The following AHNAK2 variants were observed in gnomAD, a reference collection of about 807,000 sequenced individuals.
The protein encoded by AHNAK2 is protein AHNAK2.
A neutral mutation model predicts 30.7 loss-of-function variants in AHNAK2; 18 were observed. The observed-to-expected ratio is 0.59, with a 90% CI of 0.41 to 0.87. The LOEUF (loss-of-function observed/expected upper bound fraction) is 0.87, where lower values mean the gene tolerates loss of function less well. Ranked by LOEUF, AHNAK2 falls within the 40% of genes least tolerant of loss-of-function variation. AHNAK2 has a pLI of 0.00. For synonymous variants in AHNAK2, 3,590 were observed against 3,073.8 expected, an observed-to-expected ratio of 1.17 and a Z score of -5.56; for missense variants, 8,604 against 7,373.0, an observed-to-expected ratio of 1.17 and a Z score of -6.11.
At chr14:104,975,214 C>T (rs1899564193) in intron 1 of AHNAK2, among the ~76,000 whole-genome samples, 1 of 152,220 alleles carries the variant, frequency 6.6e-6, no homozygotes, top group Admixed American at 6.5e-5. Context: ...GGAGCGGGCT[C>T]CTGGGGCATT....
At position 104,947,631 on chromosome 14, in the gene AHNAK2, A is replaced by C. The variant is rs773034150; in HGVS notation, c.7820T>G (p.Val2607Gly). 9 of 1,612,540 alleles carry C rather than the reference A, an allele frequency of 5.6e-6. No homozygotes were observed. The African/African-American group carries it at 6.7e-5, about 12-fold the overall frequency. Reference sequence around the variant, plus strand: ...CTCCATGCTGGACAGAGACATCTCCACATCGGGGGCTGTCACTTCCGCCTT... The same window carrying C: ...CTCCATGCTGGACAGAGACATCTCCCCATCGGGGGCTGTCACTTCCGCCTT... Reference protein sequence around the residue: ...GPKAEVTAPDVEMSLSSMEVD... With the variant: ...GPKAEVTAPDGEMSLSSMEVD... Residue 2607 changes from valine to glycine, a missense_variant, in exon 7 of 7, where the codon GTG becomes GGG. Val to Gly is a moderately radical substitution (Grantham distance 109, BLOSUM62 -3). Transcript: ENST00000333244.
At position 104,949,750 on chromosome 14, in the gene AHNAK2, C is replaced by T. The variant is rs59117977; in HGVS notation, c.5701G>A (p.Gly1901Ser). The change falls in exon 7 of 7, where the codon GGC becomes AGC. Residue 1901 changes from glycine (G) to serine (S), a missense_variant. By Grantham distance (56) the Gly-to-Ser change is moderately conservative (BLOSUM62 0). Coordinates refer to ENST00000333244, the MANE Select transcript of AHNAK2 (RefSeq NM_138420.4). ...LPEGQVPEGAGLKGHLPKVDM... is the reference protein window; with the variant it reads ...LPEGQVPEGASLKGHLPKVDM... Reference sequence around the variant, plus strand: ...ACCTTGGGCAAGTGCCCTTTGAGGCCGGCTCCCTCGGGCACCTGGCCCTCC... The same window carrying T: ...ACCTTGGGCAAGTGCCCTTTGAGGCTGGCTCCCTCGGGCACCTGGCCCTCC... 0.034 allele frequency: 53,757 copies of T among 1,587,364 alleles called. 7,180 individuals are homozygous for T. Among genetic ancestry groups the T allele is most frequent in the East Asian group, 0.3 (13,202 of 44,640 alleles).
At chr14:104,968,557 G>C (rs917738655) in intron 1 of AHNAK2, among the ~76,000 whole-genome samples, 1 of 151,886 alleles carries the variant, frequency 6.6e-6, no homozygotes, top group African/African-American at 2.4e-5. Flanking sequence ...ACAGGTCCGT[G>C]GGGGGAGGAG....
rs151173659 is a variant in AHNAK2 at position 104,946,883 on chromosome 14, A to G, written c.8568T>C (p.Leu2856=). 3.0e-4 allele frequency: 487 copies of G among 1,610,014 alleles called. 22 individuals are homozygous for G. In the East Asian group the frequency reaches 3.9e-3, roughly 13 times the overall value. The change falls in exon 7 of 7, where the codon CTT becomes CTC. Residue 2856 remains leucine (L), a synonymous_variant. Transcript: ENST00000333244. ...GCTGAATGCGGATGTCAGTGGTCTT[A>G]AGATCCCCTTGCATGGAGGGGAAGC... is the stretch of plus-strand genomic sequence containing the variant. The part of the protein sequence containing the change: ...DGSFPSMQGD[L]KTTDIRIQPP...
At position 104,946,135 on chromosome 14, in the gene AHNAK2, G is replaced by A. The variant is rs766311534; in HGVS notation, c.9316C>T (p.Gln3106Ter). 9.3e-6 allele frequency: 15 copies of A among 1,612,234 alleles called. No homozygotes were observed. Among genetic ancestry groups the A allele is most frequent in the Non-Finnish European group, 1.3e-5 (15 of 1,179,438 alleles). ...DVTAPDVEVS[Q>*]PGMEVDVEAP... is the part of the protein sequence containing the mutation. ...TCGACATCCACCTCCATGCCGGGCTGAGACACCTCCACGTCGGGGGCCGTC... is the reference window on the plus strand; with the variant it reads ...TCGACATCCACCTCCATGCCGGGCTAAGACACCTCCACGTCGGGGGCCGTC... The change falls in exon 7 of 7, where the codon CAG becomes TAG. Residue 3106 changes from glutamine to a stop codon, truncating the protein, a stop_gained. Transcript: ENST00000333244. LOFTEE classifies it low-confidence loss of function (END_TRUNC).
Position 104,947,389 on chromosome 14 carries a change from G to T in AHNAK2, c.8062C>A (p.Gln2688Lys). Reference sequence around the variant, plus strand: ...ATGTCAGTGGTCTTAAGGTCCCCTTGCATGGAGGGGAGGCTCATGTCGGCT... The same window carrying T: ...ATGTCAGTGGTCTTAAGGTCCCCTTTCATGGAGGGGAGGCTCATGTCGGCT... ...VEADMSLPSM[Q>K]GDLKTTDISI... Residue 2688 changes from glutamine to lysine, a missense_variant, in exon 7 of 7, where the codon CAA (glutamine) becomes AAA (lysine). Gln to Lys is a moderately conservative substitution (Grantham distance 53). Transcript: ENST00000333244. The T allele has an allele frequency of 1.2e-6, 2 of 1,612,776 alleles. No individual in the cohort carries two copies. The highest frequency in any genetic ancestry group is 1.7e-6 in the Non-Finnish European group (2 of 1,179,630).
At chr14:104,957,354 C>T (rs966978999) in intron 3 of AHNAK2, 56 bp downstream of exon 3, 2 of 1,483,390 alleles carry the variant, frequency 1.3e-6, no homozygotes, top group Admixed American at 2.2e-5. Flanking sequence ...GTTGCCCACA[C>T]AGGGCGATGC....
In AHNAK2 at chr14:104,942,400, G is replaced by A. The variant is rs770800077; in HGVS notation, c.13051C>T (p.Pro4351Ser). ...GCCTGGACCTCCAGATCAGCGGAAGGGGGCTGAATGCTGAGGTGAGTGGTC... is the reference window on the plus strand; with the variant it reads ...GCCTGGACCTCCAGATCAGCGGAAGAGGGCTGAATGCTGAGGTGAGTGGTC... ...LKTTHLSIQPPSADLEVQAGQ... is the reference protein window; with the variant it reads ...LKTTHLSIQPSSADLEVQAGQ... The change falls in exon 7 of 7, where the codon CCT becomes TCT. Residue 4351 changes from proline to serine, a missense_variant. By Grantham distance (74) the Pro-to-Ser change is moderately conservative (BLOSUM62 -1). Coordinates refer to ENST00000333244, the MANE Select transcript of AHNAK2 (RefSeq NM_138420.4). 3.1e-6 allele frequency: 5 copies of A among 1,613,078 alleles called. No homozygotes were observed. Among genetic ancestry groups the A allele is most frequent in the Non-Finnish European group, 4.2e-6 (5 of 1,179,616 alleles).
In AHNAK2 at chr14:104,942,160, C is replaced by T; in HGVS notation, c.13291G>A (p.Val4431Met). The change falls in exon 7 of 7, where the codon GTG becomes ATG. Residue 4431 changes from valine to methionine, a missense_variant. Physicochemically the swap from Val to Met is conservative, Grantham distance 21 (BLOSUM62 1). Coordinates refer to ENST00000333244, the MANE Select transcript of AHNAK2 (RefSeq NM_138420.4). Reference protein sequence around the residue: ...NLDVSLPSMEVDIQAPGAKLD... With the variant: ...NLDVSLPSMEMDIQAPGAKLD... ...TTGGCTCCTGGGGCTTGGATGTCCA[C>T]CTCCATGCTGGGCAGAGACACGTCC... 1 of 1,612,868 alleles carries T rather than the reference C, an allele frequency of 6.2e-7. No homozygotes were observed. The highest frequency in any genetic ancestry group is 1.1e-5 in the South Asian group (1 of 91,018).
At position 104,942,987 on chromosome 14, in the gene AHNAK2, G is replaced by T; in HGVS notation, c.12464C>A (p.Ser4155Tyr). Residue 4155 changes from serine (S) to tyrosine (Y), a missense_variant, in exon 7 of 7, where the codon TCC becomes TAC. By Grantham distance (144) the Ser-to-Tyr change is moderately radical (BLOSUM62 -2). Coordinates refer to ENST00000333244, the MANE Select transcript of AHNAK2 (RefSeq NM_138420.4). ...CGCCTTCAGCTCAGACACATCCACGGACGCCTCCATGGACTTGCCTGGGGC... is the reference window on the plus strand; with the variant it reads ...CGCCTTCAGCTCAGACACATCCACGTACGCCTCCATGGACTTGCCTGGGGC... Reference protein sequence around the residue: ...VSAPGKSMEASVDVSELKAKA... With the variant: ...VSAPGKSMEAYVDVSELKAKA... 1.2e-6 allele frequency: 2 copies of T among 1,613,232 alleles called. No homozygotes were observed. The highest frequency in any genetic ancestry group is 1.7e-6 in the Non-Finnish European group (2 of 1,179,592).
In AHNAK2 at chr14:104,953,413, A is replaced by T. The variant is rs1215611547; in HGVS notation, c.2038T>A (p.Phe680Ile). The T allele has an allele frequency of 4.3e-6, 7 of 1,613,754 alleles. No individual in the cohort carries two copies. The highest frequency in any genetic ancestry group is 5.9e-6 in the Non-Finnish European group (7 of 1,179,870). ...GACGCCCCGAACAATGGCATCTTGA[A>T]CTTGGGCATTTTGAACTTGCTGTCT... The part of the protein sequence containing the change: ...TKDSKFKMPK[F>I]KMPLFGASAP... Residue 680 changes from phenylalanine (F) to isoleucine (I), a missense_variant, in exon 7 of 7, where the codon TTC becomes ATC. Physicochemically the swap from Phe to Ile is conservative, Grantham distance 21. Coordinates refer to ENST00000333244, the MANE Select transcript of AHNAK2 (RefSeq NM_138420.4).
intron 5 of AHNAK2, 58 bp downstream of exon 5, chr14:104,955,425 G>C: frequency 1.3e-6 from 2 of 1,556,672 alleles, no homozygotes; most frequent in Non-Finnish European, 1.7e-6. Flanking sequence ...CCCCCCTCCA[G>C]GTCCCTCCCA....
Position 104,953,470 on chromosome 14 carries a change from G to A in AHNAK2, c.1981C>T (p.Gln661Ter). The A allele has an allele frequency of 1.2e-6, 2 of 1,613,962 alleles. No homozygotes were observed. Among genetic ancestry groups the A allele is most frequent in the East Asian group, 4.5e-5 (2 of 44,888 alleles). Residue 661 changes from glutamine to a stop codon, truncating the protein, a stop_gained, in exon 7 of 7, where the codon CAA (glutamine) becomes TAA (stop). Transcript: ENST00000333244. LOFTEE classifies it low-confidence loss of function (END_TRUNC). ...GCCACTTCCTTTTCTGTCAGAATTT[G>A]TTCCTTTTTTAAGCGTTTTTCATCG... Reference protein sequence around the residue: ...IHDEKRLKKEQILTEKEVATK... With the variant: ...IHDEKRLKKE
chr14:104,969,191 T>C (rs1648946925), intron 1 of AHNAK2, among the ~76,000 whole-genome samples: 1 of 152,208 alleles, frequency 6.6e-6, no homozygotes, highest in African/African-American at 2.4e-5. Context: ...CTCAGTCCCC[T>C]AGACCTGGGA....
rs543055033 is a variant in AHNAK2 at position 104,949,696 on chromosome 14, C to G, written c.5755G>C (p.Val1919Leu). The change falls in exon 7 of 7, where the codon GTG becomes CTG. Residue 1919 changes from valine to leucine, a missense_variant. Physicochemically the swap from Val to Leu is conservative, Grantham distance 32 (BLOSUM62 1). Transcript: ENST00000333244. The part of the protein sequence containing the change: ...VDMPSFKMPK[V>L]DLKGPQTDVK... ...TCTGTCTGGGGGCCCTTGAGGTCCA[C>G]TTTGGGCATCTTGAAACTGGGCATA... is the stretch of plus-strand genomic sequence containing the variant. 4 of 1,587,136 alleles carry G rather than the reference C, an allele frequency of 2.5e-6. No homozygotes were observed. In the South Asian group the frequency reaches 3.3e-5, roughly 13 times the overall value.
rs757276317 is a variant in AHNAK2 at position 104,952,898 on chromosome 14, G to A, written c.2553C>T (p.Ser851=). ...CAGACACATCCACCGAGTCCTCCAT[G>A]GACTTGCCTGGGGCCGACACCCCGA... ...PSFGVSAPGK[S]MEDSVDVSAP... Residue 851 remains serine (S), a synonymous_variant, in exon 7 of 7, where the codon TCC becomes TCT. Coordinates refer to ENST00000333244, the MANE Select transcript of AHNAK2 (RefSeq NM_138420.4). 1.9e-6 allele frequency: 3 copies of A among 1,611,912 alleles called. No individual in the cohort carries two copies. The African/African-American group carries it at 4.1e-5, about 22-fold the overall frequency.
rs761678436 is a variant in AHNAK2 at position 104,948,283 on chromosome 14, G to T, written c.7168C>A (p.Pro2390Thr). The T allele has an allele frequency of 6.2e-7, 1 of 1,612,312 alleles. No homozygotes were observed. Among genetic ancestry groups the T allele is most frequent in the Admixed American group, 1.7e-5 (1 of 59,906 alleles). The part of the protein sequence containing the change: ...GQVDVKLPEG[P>T]VPEGAGLKGH... ...TTGAGGCCGGCTCCCTCCGGCACGG[G>T]GCCCTCTGGGAGTTTCACATCCACT... Residue 2390 changes from proline (P) to threonine (T), a missense_variant, in exon 7 of 7, where the codon CCC becomes ACC. Transcript: ENST00000333244.
chr14:104,965,588 T>C (rs1899280563), intron 1 of AHNAK2, among the ~76,000 whole-genome samples: 1 of 152,162 alleles, frequency 6.6e-6, no homozygotes, highest in Non-Finnish European at 1.5e-5. Flanking sequence ...GCCTCCCTCC[T>C]GCAGTGACAA....
Position 104,957,491 on chromosome 14 carries a change from C to A in AHNAK2, c.132G>T (p.Ala44=). The A allele has an allele frequency of 6.3e-7, 1 of 1,599,844 alleles. No individual in the cohort carries two copies. The highest frequency in any genetic ancestry group is 2.3e-5 in the East Asian group (1 of 44,348). ...EDDHSVTEGP[A]DEGIRPRPQG... is the part of the protein sequence containing the mutation. The stretch of plus-strand genomic sequence containing the variant: ...GCGGCCGTGGTCGAATGCCCTCATC[C>A]GCAGGCCCTTCAGTCACCTGACGGG... The change falls in exon 3 of 7, where the codon GCG becomes GCT. Residue 44 remains alanine, a synonymous_variant. Transcript: ENST00000333244.
Sources: allele counts gnomAD v4.1 joint callset (sites outside exome capture counted in the v4.1 genomes callset), GRCh38; gene constraint gnomAD v4.1.1; transcripts MANE v1.5; gene names NCBI Gene and HGNC (gene_info 2026-07-23, HGNC 2026-07-21).